Variants in SINHCAF observed in about 807,000 individuals in gnomAD.
SINHCAF encodes SIN3-HDAC complex associated factor.
Under a neutral mutation model 25.8 loss-of-function variants are expected in SINHCAF, and 3 were observed. That is an observed-to-expected ratio of 0.12 (90% CI 0.05 to 0.30). SINHCAF has a LOEUF of 0.30. SINHCAF is among the 10% of genes least tolerant of loss of function. SINHCAF has a pLI of 1.00. For synonymous variants in SINHCAF, 70 were observed against 85.5 expected (o/e 0.82, Z 1.00); for missense variants, 121 against 262.3 (o/e 0.46, Z 3.72).
intron 3 of SINHCAF, 115 bp downstream of exon 3, chr12:31,295,119 T>G (rs148024853): frequency 3.0e-6 from 2 of 661,676 alleles, no homozygotes; most frequent in Admixed American, 6.1e-5. Context: ...TGTTTTTCTT[T>G]ATTCTTTTCA....
chr12:31,297,206 AAATTTT>A (rs1269301442), intron 2 of SINHCAF, among the ~76,000 whole-genome samples: 1 of 152,140 alleles, frequency 6.6e-6, no homozygotes, highest in Non-Finnish European at 1.5e-5. Context: ...ATGCCTTTTT[AAATTTT>A]ATTTTTATTT....
chr12:31,311,790 G>A (rs777271747), intron 1 of SINHCAF: 1 of 496,088 alleles, frequency 2.0e-6, no homozygotes, highest in Non-Finnish European at 4.0e-6. Context: ...CAAAGACTGT[G>A]GAACTTTTAA....
chr12:31,306,701 C>T (rs951671830), intron 1 of SINHCAF, among the ~76,000 whole-genome samples: 1 of 152,178 alleles, frequency 6.6e-6, no homozygotes, highest in Non-Finnish European at 1.5e-5. Context: ...CAGCCTGGAA[C>T]CTTTATAATT....
In SINHCAF at chr12:31,324,220, G is replaced by GC; in HGVS notation, c.-21+1803dup. ...GCAGGCCGCGCCTCCCGCACGCCGC[G>GC]CTGCCGGGGCTTGTTCCTCCTCATG... On this transcript the variant is annotated intron_variant, in intron 1 of 5. Transcript: ENST00000337682. The surrounding 1 kb of genome is among the most constrained non-coding windows in gnomAD (Gnocchi z 5.5). 1 of 204,286 alleles carries GC rather than the reference G, an allele frequency of 4.9e-6. No individual in the cohort carries two copies. Among genetic ancestry groups the GC allele is most frequent in the South Asian group, 8.2e-5 (1 of 12,226 alleles). The allele number at this position is 204,286 out of a possible 1,614,324, so 12.7% of individuals were successfully genotyped here. A position where few individuals can be genotyped will look rare whatever the true frequency, so the allele number is the denominator to read the frequency against.
At chr12:31,304,622 A>C (rs1449842999) in intron 1 of SINHCAF, 1 of 152,228 alleles carries the variant, frequency 6.6e-6, no homozygotes, top group Admixed American at 6.5e-5. Context: ...TGAATTTGGA[A>C]AGTGACATTT....
chr12:31,295,162 A>C (rs1001906840), intron 3 of SINHCAF, 72 bp downstream of exon 3: 2 of 925,210 alleles, frequency 2.2e-6, no homozygotes, highest in Non-Finnish European at 3.3e-6. Flanking sequence ...ATTACTTCCT[A>C]AATTAGGGGG....
intron 1 of SINHCAF, among the ~76,000 whole-genome samples, chr12:31,302,087 ACTAT>A (rs1938821178): frequency 2.0e-5 from 3 of 152,214 alleles, no homozygotes; most frequent in Non-Finnish European, 2.9e-5. Flanking sequence ...GAAAGGTAAT[ACTAT>A]CTGCTTTCTA....
chr12:31,314,681 G>A (rs73300569), intron 1 of SINHCAF, among the ~76,000 whole-genome samples: 142 of 152,208 alleles, frequency 9.3e-4, no homozygotes, highest in African/African-American at 3.3e-3. Context: ...CTATAAGGAA[G>A]AAAGATCATC....
Position 31,325,564 on chromosome 12 carries a change from TGCCCGCGCCTCGCGC to T in SINHCAF, c.-21+445_-21+459del. 5.1e-6 allele frequency: 1 copy of T among 194,608 alleles called. No individual in the cohort carries two copies. Among genetic ancestry groups the T allele is most frequent in the Non-Finnish European group, 1.1e-5 (1 of 91,340 alleles). 12.1% of individuals were successfully genotyped at this position (194,608 alleles called of 1,614,324 possible). On this transcript the variant is annotated intron_variant, in intron 1 of 5. Transcript: ENST00000337682. The surrounding 1 kb of genome is among the most constrained non-coding windows in gnomAD (Gnocchi z 5.9). ...GAGGTTTCACAACGGCGCCCGACCC[TGCCCGCGCCTCGCGC>T]CCACGCGGACGCACCGACCCCGGCC...
At chr12:31,306,182 C>T (rs1486752315) in intron 1 of SINHCAF, among the ~76,000 whole-genome samples, 2 of 152,120 alleles carry the variant, frequency 1.3e-5, no homozygotes, top group Non-Finnish European at 2.9e-5. Flanking sequence ...ATTACCAATA[C>T]ATATTTATAT....
intron 1 of SINHCAF, among the ~76,000 whole-genome samples, chr12:31,322,211 C>G (rs947383481): frequency 4.6e-5 from 7 of 152,092 alleles, no homozygotes; most frequent in African/African-American, 1.7e-4. Flanking sequence ...ATTGATAATC[C>G]AAATCTCTGT....
chr12:31,286,305 G>C (rs1040585874), intron 5 of SINHCAF, among the ~76,000 whole-genome samples: 1 of 151,454 alleles, frequency 6.6e-6, no homozygotes, highest in East Asian at 1.9e-4. Flanking sequence ...AACCTTAAAG[G>C]AATGTTCAAA....
chr12:31,293,073 TA>T (rs1040531964), intron 4 of SINHCAF, among the ~76,000 whole-genome samples: 1 of 152,240 alleles, frequency 6.6e-6, no homozygotes, highest in Admixed American at 6.5e-5. Context: ...ACCATCTATT[TA>T]TTCCACTAAA....
chr12:31,284,075 A>T (rs1340491149), intron 5 of SINHCAF, among the ~76,000 whole-genome samples: 2 of 152,172 alleles, frequency 1.3e-5, no homozygotes, highest in African/African-American at 4.8e-5. Flanking sequence ...TTACTAGTTT[A>T]TATTGCTGGC....
intron 5 of SINHCAF, among the ~76,000 whole-genome samples, chr12:31,286,224 T>C (rs1938057992): frequency 6.6e-6 from 1 of 152,230 alleles, no homozygotes; most frequent in African/African-American, 2.4e-5. Flanking sequence ...TTGTCCTTTT[T>C]GTAAGATACC....
chr12:31,317,179 T>C (rs1463645815), intron 1 of SINHCAF, among the ~76,000 whole-genome samples: 1 of 152,174 alleles, frequency 6.6e-6, no homozygotes, highest in Non-Finnish European at 1.5e-5. Context: ...AACAGTTAAC[T>C]TCACAACTGT....
At chr12:31,305,946 C>T (rs556431441) in intron 1 of SINHCAF, among the ~76,000 whole-genome samples, 11 of 152,226 alleles carry the variant, frequency 7.2e-5, no homozygotes, top group African/African-American at 1.7e-4. Context: ...GTGATCCGCC[C>T]GCCTCGGCCT....
rs1939394223 is a variant in SINHCAF at position 31,314,007 on chromosome 12, C to A, written c.-21+12017G>T. Among the ~76,000 whole-genome samples, 3 of 151,994 alleles carry A rather than the reference C, an allele frequency of 2.0e-5. No homozygotes were observed. In the South Asian group the frequency reaches 6.2e-4, roughly 31 times the overall value. ...AAGAGAAAGAGAATTAGGAATCCCC[C>A]ACCTATCATAGGCTGTTCCCAGAAT... On this transcript the variant is annotated intron_variant, in intron 1 of 5. Transcript: ENST00000337682.
rs1052587313 is a variant in SINHCAF at position 31,324,470 on chromosome 12, G to C, written c.-21+1554C>G. 1.9e-5 allele frequency: 3 copies of C among 159,984 alleles called. No homozygotes were observed. Among genetic ancestry groups the C allele is most frequent in the Admixed American group, 1.3e-4 (2 of 15,410 alleles). The allele number at this position is 159,984 out of a possible 1,614,324, so 9.9% of individuals were successfully genotyped here. On this transcript the variant is annotated intron_variant, in intron 1 of 5. Transcript: ENST00000337682. This position sits in a 1 kb window ranked among gnomAD's most constrained non-coding sequence, Gnocchi z 5.5. ...CACGCCCGGAGCGGGGAAGCACGCCGCCTCCCTACGCACCAGCATGGCACC... is the reference window on the plus strand; with the variant it reads ...CACGCCCGGAGCGGGGAAGCACGCCCCCTCCCTACGCACCAGCATGGCACC...
Sources: gnomAD v4.1 joint callset for allele counts (sites outside exome capture counted in the v4.1 genomes callset) on GRCh38, gnomAD v4.1.1 for gene constraint, Gnocchi (gnomAD v3.1) non-coding constraint, MANE v1.5 for transcripts, NCBI Gene and HGNC (gene_info 2026-07-23, HGNC 2026-07-21) for gene names.